NDC1: variants seen among roughly 807,000 people sequenced by gnomAD.
NDC1 encodes the protein nucleoporin NDC1.
NDC1 carries 24 observed loss-of-function variants against 89.8 expected under a neutral mutation model. That is an observed-to-expected ratio of 0.27 (90% CI 0.19 to 0.38). NDC1 has a LOEUF of 0.38. Ranked by LOEUF, NDC1 falls within the 10% of genes least tolerant of loss-of-function variation. The probability of loss-of-function intolerance (pLI) is 1.00; values close to 1 mark genes in which losing one functional copy is unlikely to be tolerated. For missense variants in NDC1, 728 were observed against 797.6 expected, an observed-to-expected ratio of 0.91 and a Z score of 1.05; for synonymous variants, 296 against 284.8, an observed-to-expected ratio of 1.04 and a Z score of -0.39.
At chr1:53,809,072 C>T (rs528782648) in intron 7 of NDC1, among the ~76,000 whole-genome samples, 204 of 152,284 alleles carry the variant, frequency 1.3e-3, no homozygotes, top group African/African-American at 4.5e-3. Context: ...ACTTGACTGC[C>T]ACTTGTGACC....
In NDC1 at chr1:53,789,148, T is replaced by C. The variant is rs1647403450; in HGVS notation, c.1684A>G (p.Ile562Val). ...QAVFSDAQMH[I>V]WALEGLSHLV... Reference sequence around the variant, plus strand: ...CATTGCTTACCTTCTAATGCCCAAATATGCATTTGGGCATCTGAAAAAACA... The same window carrying C: ...CATTGCTTACCTTCTAATGCCCAAACATGCATTTGGGCATCTGAAAAAACA... The change falls in exon 15 of 18, where the codon ATT (isoleucine) becomes GTT (valine). Residue 562 changes from isoleucine (I) to valine (V), a missense_variant. By Grantham distance (29) the Ile-to-Val change is conservative (BLOSUM62 3). Transcript: ENST00000371429. 6.2e-7 allele frequency: 1 copy of C among 1,605,584 alleles called. No individual in the cohort carries two copies.
chr1:53,793,100 C>T lies in NDC1; in HGVS notation c.1635+129G>A, dbSNP rs546485711. The T allele has an allele frequency of 1.0e-4, 78 of 774,566 alleles. 1 individual carries two copies. The South Asian group carries it at 1.2e-3, about 11-fold the overall frequency. 48.0% of individuals were successfully genotyped at this position (774,566 alleles called of 1,614,324 possible). A position where few individuals can be genotyped will look rare whatever the true frequency, so the allele number is the denominator to read the frequency against. On this transcript the variant is annotated intron_variant, in intron 14 of 17. Coordinates refer to ENST00000371429, the MANE Select transcript of NDC1 (RefSeq NM_018087.5). ...GTTAAAACGGAGGTTCAGTGAAGCA[C>T]TATGCAAAGCTGCCTAGCTTGCTAG...
At chr1:53,795,844 G>A (rs1048270685) in intron 13 of NDC1, among the ~76,000 whole-genome samples, 1 of 152,140 alleles carries the variant, frequency 6.6e-6, no homozygotes, top group Non-Finnish European at 1.5e-5. Flanking sequence ...TATCATTCTT[G>A]TGGGCAAGAC....
chr1:53,790,686 G>A (rs1009295085), intron 14 of NDC1, among the ~76,000 whole-genome samples: 4 of 152,088 alleles, frequency 2.6e-5, no homozygotes, highest in African/African-American at 4.8e-5. Flanking sequence ...CAGCCTGGGC[G>A]ACAGAGCAAG....
chr1:53,834,545 C>T (rs1649168096), intron 2 of NDC1, among the ~76,000 whole-genome samples: 1 of 152,224 alleles, frequency 6.6e-6, no homozygotes, highest in Non-Finnish European at 1.5e-5. Context: ...CAACTTCCCA[C>T]TTTACAAGGC....
At chr1:53,771,694 C>T (rs1222949512) in intron 17 of NDC1, among the ~76,000 whole-genome samples, 1 of 152,162 alleles carries the variant, frequency 6.6e-6, no homozygotes, top group Admixed American at 6.5e-5. Flanking sequence ...AGCAATCTCT[C>T]GTGTCTTCTA....
rs1412918507 is a variant in NDC1, at chr1:53,796,761, A to G, written c.1512T>C (p.Ser504=). ...TCATTGTCTTACCCTCAGCACTAAT[A>G]GAGGTAGATGGAGAAGGATTAGAAA... ...TEFSNPSPST[S]ISAEGKTMRQ... The change falls in exon 13 of 18, where the codon TCT becomes TCC. Residue 504 remains serine (S), a synonymous_variant. Coordinates refer to ENST00000371429, the MANE Select transcript of NDC1 (RefSeq NM_018087.5). 1.2e-6 allele frequency: 2 copies of G among 1,610,950 alleles called. No homozygotes were observed. Among genetic ancestry groups the G allele is most frequent in the East Asian group, 2.2e-5 (1 of 44,860 alleles).
At chr1:53,826,026 T>A in intron 4 of NDC1, 90 bp from the exon 5 acceptor site, 3 of 1,280,812 alleles carry the variant, frequency 2.3e-6, no homozygotes, top group South Asian at 2.8e-5. Flanking sequence ...AAAGCTTAAT[T>A]ACTTTAATGA....
At position 53,807,720 on chromosome 1, in the gene NDC1, C is replaced by T; in HGVS notation, c.827G>A (p.Cys276Tyr). 6.2e-7 allele frequency: 1 copy of T among 1,613,884 alleles called. No homozygotes were observed. The highest frequency in any genetic ancestry group is 1.3e-5 in the African/African-American group (1 of 75,048). The change falls in exon 8 of 18, where the codon TGT becomes TAT. Residue 276 changes from cysteine (C) to tyrosine (Y), a missense_variant. Cys to Tyr is a radical substitution (Grantham distance 194). Transcript: ENST00000371429. ...NLSLLYHVWL[C>Y]GVFLLTTWYV... ...CCAAGTCGTCAGGAGAAAGACACCACACAGCCAGACATGGTAGAGTAACGA... is the reference window on the plus strand; with the variant it reads ...CCAAGTCGTCAGGAGAAAGACACCATACAGCCAGACATGGTAGAGTAACGA...
At chr1:53,790,221 T>A (rs1465639199) in intron 14 of NDC1, among the ~76,000 whole-genome samples, 1 of 150,770 alleles carries the variant, frequency 6.6e-6, no homozygotes. Flanking sequence ...AAAAATTAGC[T>A]GGGCATGGTG....
At position 53,838,289 on chromosome 1, in the gene NDC1, T is replaced by A; in HGVS notation, c.-28A>T. 1 of 1,516,100 alleles carries A rather than the reference T, an allele frequency of 6.6e-7. No homozygotes were observed. Among genetic ancestry groups the A allele is most frequent in the Non-Finnish European group, 8.8e-7 (1 of 1,132,104 alleles). The allele number at this position is 1,516,100 out of a possible 1,614,324, so 93.9% of individuals were successfully genotyped here. A position where few individuals can be genotyped will look rare whatever the true frequency, so the allele number is the denominator to read the frequency against. ...AGATGGCGGCCCCTAGTCTAGGGCG[T>A]ACAGGAGACCGTGCGCCCGCCCGCC... On this transcript the variant is annotated 5_prime_UTR_variant, in exon 1 of 18. Transcript: ENST00000371429.
intron 5 of NDC1, among the ~76,000 whole-genome samples, chr1:53,822,332 C>T (rs1321161144): frequency 6.6e-6 from 1 of 151,758 alleles, no homozygotes; most frequent in East Asian, 1.9e-4. Context: ...AAAACTCCGT[C>T]TCAAAAAAAA....
At chr1:53,792,764 G>A (rs1011344473) in intron 14 of NDC1, among the ~76,000 whole-genome samples, 1 of 152,204 alleles carries the variant, frequency 6.6e-6, no homozygotes, top group Admixed American at 6.5e-5. Flanking sequence ...TGGAACAGCT[G>A]ATACACAAGT....
At position 53,796,963 on chromosome 1, in the gene NDC1, G is replaced by A. The variant is rs1341786503; in HGVS notation, c.1404C>T (p.Cys468=). The A allele has an allele frequency of 3.1e-6, 5 of 1,614,020 alleles. No homozygotes were observed. The highest frequency in any genetic ancestry group is 4.2e-6 in the Non-Finnish European group (5 of 1,180,020). Residue 468 remains cysteine, a synonymous_variant, in exon 12 of 18, where the codon TGC becomes TGT. Transcript: ENST00000371429. ...GCTGAGGACTTTGCGGTGACCCATA[G>A]CAGGTGTTTACATCAAAAATTCCAG... ...RMAGIFDVNT[C]YGSPQSPQLI...
intron 16 of NDC1, among the ~76,000 whole-genome samples, chr1:53,774,370 C>T (rs570276678): frequency 6.6e-6 from 1 of 152,206 alleles, no homozygotes; most frequent in South Asian, 2.1e-4. Context: ...TCAGAGTTAT[C>T]GTGGCAGATT....
At chr1:53,805,860 G>T (rs1250303188) in intron 9 of NDC1, among the ~76,000 whole-genome samples, 1 of 152,092 alleles carries the variant, frequency 6.6e-6, no homozygotes, top group Non-Finnish European at 1.5e-5. Flanking sequence ...GGATCACGAG[G>T]TCAGGAGATC....
chr1:53,788,207 T>C (rs989700993), intron 15 of NDC1, among the ~76,000 whole-genome samples: 2 of 151,976 alleles, frequency 1.3e-5, no homozygotes, highest in Non-Finnish European at 2.9e-5. Context: ...GGGAGGAGGA[T>C]TGCATGAGCC....
chr1:53,805,802 C>A (rs577623422), intron 9 of NDC1, among the ~76,000 whole-genome samples: 5 of 152,082 alleles, frequency 3.3e-5, no homozygotes, highest in African/African-American at 1.2e-4. Context: ...TGGCCGGGCG[C>A]GGTGGCTCAC....
chr1:53,826,605 A>G (rs952653456), intron 4 of NDC1, among the ~76,000 whole-genome samples: 24 of 152,204 alleles, frequency 1.6e-4, no homozygotes, highest in Admixed American at 5.2e-4. Context: ...ATCATTTTAC[A>G]ATAGCTTTAA....
Sources: gnomAD v4.1 joint callset for allele counts (sites outside exome capture counted in the v4.1 genomes callset) on GRCh38, gnomAD v4.1.1 for gene constraint, MANE v1.5 for transcripts, NCBI Gene and HGNC (gene_info 2026-07-23, HGNC 2026-07-21) for gene names.